The following NLGN1 variants were observed in gnomAD, a reference collection of about 807,000 sequenced individuals.
The protein encoded by NLGN1 is neuroligin-1.
In NLGN1, 12 loss-of-function variants were observed where a neutral mutation model predicts 65.5. The observed-to-expected ratio is 0.18, with a 90% CI of 0.12 to 0.30. The LOEUF (loss-of-function observed/expected upper bound fraction) is 0.30. Among genes scored for constraint, NLGN1 ranks in the 10% least tolerant of loss-of-function variants. The probability of loss-of-function intolerance (pLI) is 1.00; values close to 1 mark genes in which losing one functional copy is unlikely to be tolerated. For missense variants in NLGN1, 750 were observed against 1,007.1 expected, an observed-to-expected ratio of 0.74 and a Z score of 3.46; for synonymous variants, 350 against 359.5, an observed-to-expected ratio of 0.97 and a Z score of 0.30.
chr3:173,695,146 T>C (rs898833758), intron 3 of NLGN1, among the ~76,000 whole-genome samples: 1 of 152,100 alleles, frequency 6.6e-6, no homozygotes, highest in African/African-American at 2.4e-5. Context: ...TAAATAAAGT[T>C]GCTAATAAAT....
intron 4 of NLGN1, among the ~76,000 whole-genome samples, chr3:174,249,859 G>A (rs1411030290): frequency 1.3e-5 from 2 of 152,174 alleles, no homozygotes; most frequent in Non-Finnish European, 2.9e-5. Context: ...GGAGGCTGCT[G>A]TGTTTCATTG....
intron 4 of NLGN1, among the ~76,000 whole-genome samples, chr3:174,099,877 G>A (rs915322325): frequency 1.3e-5 from 2 of 152,078 alleles, no homozygotes; most frequent in Admixed American, 6.6e-5. Context: ...AGTGTTTCTC[G>A]ACGTCCACGT....
At chr3:174,018,556 C>T (rs997455307) in intron 4 of NLGN1, among the ~76,000 whole-genome samples, 6 of 152,146 alleles carry the variant, frequency 3.9e-5, no homozygotes, top group Non-Finnish European at 7.4e-5. Context: ...CCGGTCCCTT[C>T]GTTCAGGGTC....
intron 4 of NLGN1, among the ~76,000 whole-genome samples, chr3:173,909,286 A>G (rs901790032): frequency 1.3e-5 from 2 of 152,254 alleles, no homozygotes; most frequent in Admixed American, 6.5e-5. Flanking sequence ...CTGAACTTCA[A>G]TTTAACCCTG....
At position 173,419,105 on chromosome 3, in the gene NLGN1, C is replaced by A. The variant is rs540943650; in HGVS notation, c.-389-15905C>A. Among the ~76,000 whole-genome samples the A allele has an allele frequency of 2.1e-3, 208 of 99,444 alleles. 1 individual carries two copies. The highest frequency in any genetic ancestry group is 3.2e-3 in the Non-Finnish European group (166 of 51,520). The allele number at this position is 99,444 out of a possible 152,430, so 65.2% of individuals were successfully genotyped here. On this transcript the variant is annotated intron_variant, in intron 1 of 6. Coordinates refer to ENST00000457714, the Ensembl canonical transcript of NLGN1. Reference sequence around the variant, plus strand: ...TATATGTCTATATCTATCTATCTATCTATATATATCGATTTTTTTTTTTTG... The same window carrying A: ...TATATGTCTATATCTATCTATCTATATATATATATCGATTTTTTTTTTTTG...
At chr3:174,221,493 T>C (rs1738642876) in intron 4 of NLGN1, among the ~76,000 whole-genome samples, 1 of 152,108 alleles carries the variant, frequency 6.6e-6, no homozygotes. Flanking sequence ...GTTCCAGTTA[T>C]GACACAGACT....
At chr3:173,600,002 G>T (rs1200461489) in intron 2 of NLGN1, among the ~76,000 whole-genome samples, 3 of 152,020 alleles carry the variant, frequency 2.0e-5, no homozygotes, top group Non-Finnish European at 4.4e-5. Flanking sequence ...GATCAATTGG[G>T]GGGCATTTTA....
intron 3 of NLGN1, among the ~76,000 whole-genome samples, chr3:173,695,066 C>G (rs1766011129): frequency 6.6e-6 from 1 of 152,068 alleles, no homozygotes; most frequent in African/African-American, 2.4e-5. Context: ...TATGTTGAGC[C>G]TGACAGTCAA....
intron 3 of NLGN1, among the ~76,000 whole-genome samples, chr3:173,790,877 T>C (rs1712567987): frequency 6.6e-6 from 1 of 152,120 alleles, no homozygotes; most frequent in Non-Finnish European, 1.5e-5. Flanking sequence ...TTAGAAAACA[T>C]GTCAAAGGTT....
chr3:174,155,203 C>T (rs1725220500), intron 4 of NLGN1, among the ~76,000 whole-genome samples: 2 of 149,726 alleles, frequency 1.3e-5, no homozygotes, highest in South Asian at 4.2e-4. Context: ...AAATACTTGC[C>T]CTTACTATGT....
chr3:174,217,250 T>C (rs1010167186), intron 4 of NLGN1, among the ~76,000 whole-genome samples: 2 of 152,138 alleles, frequency 1.3e-5, no homozygotes, highest in African/African-American at 4.8e-5. Context: ...ACATGCTGCA[T>C]TGTCATGCTA....
At chr3:174,049,006 G>C (rs148682182) in intron 4 of NLGN1, among the ~76,000 whole-genome samples, 1 of 152,054 alleles carries the variant, frequency 6.6e-6, no homozygotes, top group East Asian at 1.9e-4. Flanking sequence ...TGCATCTTTG[G>C]TAAAGATGGG....
intron 2 of NLGN1, among the ~76,000 whole-genome samples, chr3:173,445,017 C>T (rs764634711): frequency 3.2e-4 from 48 of 151,156 alleles, no homozygotes; most frequent in Non-Finnish European, 5.6e-4. Flanking sequence ...GCCTGTAATC[C>T]CAGCACTTTG....
chr3:174,123,743 G>T (rs1408666691), intron 4 of NLGN1, among the ~76,000 whole-genome samples: 1 of 152,074 alleles, frequency 6.6e-6, no homozygotes, highest in Non-Finnish European at 1.5e-5. Flanking sequence ...AACTGTAGTG[G>T]TCATGCTTTA....
At chr3:173,900,872 G>A (rs1190880889) in intron 4 of NLGN1, among the ~76,000 whole-genome samples, 1 of 151,944 alleles carries the variant, frequency 6.6e-6, no homozygotes, top group African/African-American at 2.4e-5. Context: ...GGGAGCATGT[G>A]TTATACTGAC....
chr3:173,449,792 A>C (rs1347279516), intron 2 of NLGN1, among the ~76,000 whole-genome samples: 1 of 152,142 alleles, frequency 6.6e-6, no homozygotes, highest in Non-Finnish European at 1.5e-5. Context: ...CTTCTTATTG[A>C]ATTGATCCCT....
chr3:173,536,461 T>C (rs1162436969), intron 2 of NLGN1, among the ~76,000 whole-genome samples: 1 of 152,230 alleles, frequency 6.6e-6, no homozygotes, highest in African/African-American at 2.4e-5. Flanking sequence ...GAGTAAATAG[T>C]AAGATATTAA....
At chr3:173,729,780 A>G (rs906556428) in intron 3 of NLGN1, among the ~76,000 whole-genome samples, 22 of 152,114 alleles carry the variant, frequency 1.4e-4, no homozygotes, top group African/African-American at 5.3e-4. Flanking sequence ...GTCACTCACA[A>G]TATAAATGTG....
chr3:173,443,755 A>G (rs1367234943), intron 2 of NLGN1, among the ~76,000 whole-genome samples: 2 of 152,212 alleles, frequency 1.3e-5, no homozygotes, highest in South Asian at 2.1e-4. Flanking sequence ...TAGAAAGACT[A>G]TAGTGCTAGT....
Sources: gnomAD v4.1 joint callset for allele counts (sites outside exome capture counted in the v4.1 genomes callset) on GRCh38, gnomAD v4.1.1 for gene constraint, MANE v1.5 for transcripts, NCBI Gene and HGNC (gene_info 2026-07-23, HGNC 2026-07-21) for gene names.